HDAC9: variants seen among roughly 807,000 people sequenced by gnomAD.
HDAC9 encodes MEF-2 interacting transcription repressor (MITR) protein.
HDAC9 carries 41 observed loss-of-function variants against 139.4 expected under a neutral mutation model. That is an observed-to-expected ratio of 0.29 (90% CI 0.23 to 0.38). HDAC9 has a LOEUF of 0.38. Ranked by LOEUF, HDAC9 falls within the 10% of genes least tolerant of loss-of-function variation. The probability of loss-of-function intolerance (pLI) is 1.00; values close to 1 mark genes in which losing one functional copy is unlikely to be tolerated. For missense variants in HDAC9, 1,147 were observed against 1,297.0 expected, an observed-to-expected ratio of 0.88 and a Z score of 1.78; for synonymous variants, 517 against 476.2, an observed-to-expected ratio of 1.09 and a Z score of -1.12.
At chr7:18,448,545 G>A (rs1271774521) in intron 1 of HDAC9, among the ~76,000 whole-genome samples, 5 of 152,142 alleles carry the variant, frequency 3.3e-5, no homozygotes, top group Non-Finnish European at 5.9e-5. Flanking sequence ...ATAGGGAAGA[G>A]AGGGTAACGT....
intron 1 of HDAC9, among the ~76,000 whole-genome samples, chr7:18,466,977 T>C (rs1424445017): frequency 6.6e-6 from 1 of 152,186 alleles, no homozygotes; most frequent in African/African-American, 2.4e-5. Flanking sequence ...GACTATTTTC[T>C]CTTTCTCTAA....
At chr7:18,767,668 A>G (rs1233109557) in intron 16 of HDAC9, among the ~76,000 whole-genome samples, 1 of 152,110 alleles carries the variant, frequency 6.6e-6, no homozygotes, top group Non-Finnish European at 1.5e-5. Flanking sequence ...AAGCCTTTTG[A>G]CTCAACATAT....
chr7:18,102,943 G>C (rs935448521), intron 1 of HDAC9, among the ~76,000 whole-genome samples: 2 of 152,160 alleles, frequency 1.3e-5, no homozygotes, highest in South Asian at 2.1e-4. Flanking sequence ...TTTTAAAGAA[G>C]GCCTAGGACA....
intron 14 of HDAC9, among the ~76,000 whole-genome samples, chr7:18,752,404 T>G (rs1788530296): frequency 6.6e-6 from 1 of 152,100 alleles, no homozygotes; most frequent in Non-Finnish European, 1.5e-5. Flanking sequence ...CCAGCTCAGG[T>G]GTGAGTAACT....
At chr7:18,805,766 A>G (rs1793655519) in intron 17 of HDAC9, among the ~76,000 whole-genome samples, 2 of 152,218 alleles carry the variant, frequency 1.3e-5, no homozygotes, top group Non-Finnish European at 1.5e-5. Context: ...GTCTGCTGTG[A>G]CTGAAGGCCT....
intron 17 of HDAC9, among the ~76,000 whole-genome samples, chr7:18,803,405 A>G (rs1793461938): frequency 6.6e-6 from 1 of 151,922 alleles, no homozygotes; most frequent in African/African-American, 2.4e-5. Context: ...TTTTCTTATC[A>G]CCATTTATGA....
intron 17 of HDAC9, among the ~76,000 whole-genome samples, chr7:18,798,977 C>G (rs116256482): frequency 0.012 from 1,844 of 151,260 alleles, 37 homozygotes; most frequent in African/African-American, 0.042. Context: ...TCTGTTCAAA[C>G]AGGAAGTGAA....
At chr7:18,902,009 C>T (rs1019669988) in intron 22 of HDAC9, among the ~76,000 whole-genome samples, 2 of 152,160 alleles carry the variant, frequency 1.3e-5, no homozygotes, top group Admixed American at 6.5e-5. Context: ...ATGAAATTGC[C>T]CTAAAGTGTT....
intron 2 of HDAC9, among the ~76,000 whole-genome samples, chr7:18,507,497 T>C (rs1364948405): frequency 1.3e-5 from 2 of 150,546 alleles, no homozygotes; most frequent in Non-Finnish European, 3.0e-5. Flanking sequence ...CCGGCTATTA[T>C]TATTATTATT....
At chr7:18,895,238 C>T (rs888943681) in intron 22 of HDAC9, among the ~76,000 whole-genome samples, 2 of 152,106 alleles carry the variant, frequency 1.3e-5, no homozygotes, top group Non-Finnish European at 2.9e-5. Flanking sequence ...CCCCGCTAGG[C>T]AGAGAGCTGG....
At chr7:18,907,856 C>G (rs1316767507) in intron 22 of HDAC9, among the ~76,000 whole-genome samples, 1 of 152,092 alleles carries the variant, frequency 6.6e-6, no homozygotes, top group African/African-American at 2.4e-5. Context: ...TGAAACGGAG[C>G]CACTCCCCTA....
chr7:18,211,285 C>G (rs1791920233), intron 2 of HDAC9, among the ~76,000 whole-genome samples: 1 of 152,164 alleles, frequency 6.6e-6, no homozygotes, highest in Non-Finnish European at 1.5e-5. Context: ...TTCAACATGA[C>G]AAATCTGAGC....
chr7:18,588,799 T>C (rs889686979), intron 3 of HDAC9, among the ~76,000 whole-genome samples: 1 of 152,150 alleles, frequency 6.6e-6, no homozygotes, highest in Non-Finnish European at 1.5e-5. Context: ...TGAAGCTGAC[T>C]AAACTTTGTG....
At position 18,406,303 on chromosome 7, in the gene HDAC9, G is replaced by GT. The variant is rs1392650321; in HGVS notation, c.-41-89953dup. On this transcript the variant is annotated intron_variant, in intron 1 of 3. Transcript: ENST00000413509. ...TTAGGTTGGTGTAAAAGTAATTGCA[G>GT]TTTTTTGCAATTACTTTTAATGGCA... 5.3e-5 allele frequency among the ~76,000 whole-genome samples: 8 copies of GT among 152,068 alleles called. 1 individual carries two copies. The highest frequency in any genetic ancestry group is 1.4e-4 in the African/African-American group (6 of 41,494).
intron 1 of HDAC9, among the ~76,000 whole-genome samples, chr7:18,323,221 C>T (rs980776641): frequency 6.6e-6 from 1 of 152,122 alleles, no homozygotes; most frequent in Admixed American, 6.6e-5. Flanking sequence ...ATTTCCAGTT[C>T]TTTCTTATTG....
intron 12 of HDAC9, among the ~76,000 whole-genome samples, chr7:18,705,521 C>G (rs1449662873): frequency 2.6e-5 from 4 of 151,978 alleles, no homozygotes; most frequent in Admixed American, 1.3e-4. Context: ...TTAACCGAAC[C>G]CTGTACCTAT....
chr7:18,835,661 T>C, intron 20 of HDAC9, 75 bp downstream of exon 20: 2 of 1,569,298 alleles, frequency 1.3e-6, no homozygotes, highest in African/African-American at 1.4e-5. Context: ...TACCCCTAAT[T>C]TTCTTGTCCT....
intron 1 of HDAC9, among the ~76,000 whole-genome samples, chr7:18,095,803 A>G (rs1165576305): frequency 6.6e-6 from 1 of 152,244 alleles, no homozygotes; most frequent in Admixed American, 6.5e-5. Context: ...CTCTGTGACA[A>G]ATGATGCTGT....
In HDAC9 at chr7:18,711,350, A is replaced by G. The variant is rs530256306; in HGVS notation, c.1732-16230A>G. ...TGCAACTCTGGTTCCGGCTGCTGTC[A>G]ACTGAGTTAATGTAAAGTCTCTGGT... On this transcript the variant is annotated intron_variant, in intron 12 of 25. Transcript: ENST00000686413. Among the ~76,000 whole-genome samples, 5 of 152,322 alleles carry G rather than the reference A, an allele frequency of 3.3e-5. No homozygotes were observed. In the East Asian group the frequency reaches 9.6e-4, roughly 29 times the overall value.
Sources: allele counts gnomAD v4.1 joint callset (sites outside exome capture counted in the v4.1 genomes callset), GRCh38; gene constraint gnomAD v4.1.1; transcripts MANE v1.5; gene names NCBI Gene and HGNC (gene_info 2026-07-23, HGNC 2026-07-21).